ELP1: variants seen among roughly 807,000 people sequenced by gnomAD.
ELP1 encodes elongator complex protein 1.
In ELP1, 131 loss-of-function variants were observed where a neutral mutation model predicts 183.2. That is an observed-to-expected ratio of 0.72 (90% CI 0.62 to 0.83). The LOEUF (loss-of-function observed/expected upper bound fraction) is 0.83. ELP1 is among the 40% of genes least tolerant of loss of function. ELP1 has a pLI of 0.00. For missense variants in ELP1, 1,550 were observed against 1,594.9 expected (o/e 0.97, Z 0.48); for synonymous variants, 555 against 569.0 (o/e 0.98, Z 0.35).
At chr9:108,903,478 G>A (rs1196636256) in intron 15 of ELP1, 85 bp downstream of exon 15, 1 of 958,444 alleles carries the variant, frequency 1.0e-6, no homozygotes, top group Non-Finnish European at 1.7e-6. Context: ...AATCAATATT[G>A]AACTGACAAG....
At chr9:108,907,087 A>T (rs1357922729) in intron 13 of ELP1, among the ~76,000 whole-genome samples, 1 of 151,934 alleles carries the variant, frequency 6.6e-6, no homozygotes, top group East Asian at 1.9e-4. Context: ...CTCCTCAAAC[A>T]TCTCTCCCCG....
intron 25 of ELP1, among the ~76,000 whole-genome samples, chr9:108,895,446 A>G (rs924425264): frequency 3.3e-5 from 5 of 152,154 alleles, no homozygotes; most frequent in Non-Finnish European, 7.4e-5. Flanking sequence ...GTCAAAGCCC[A>G]TGGATGGCAG....
At chr9:108,916,103 C>G (rs375395502) in intron 10 of ELP1, 101 bp downstream of exon 10, 8 of 910,742 alleles carry the variant, frequency 8.8e-6, no homozygotes, top group East Asian at 4.8e-5. Context: ...ATCTTTGATT[C>G]TACTAAGGGA....
chr9:108,903,787 A>G (rs987616723), intron 14 of ELP1, 118 bp from the exon 15 acceptor site: 2 of 728,444 alleles, frequency 2.7e-6, no homozygotes, highest in African/African-American at 3.5e-5. Flanking sequence ...ACTTCAATAC[A>G]ATGTAGACAA....
chr9:108,898,642 C>T (rs761260470), intron 21 of ELP1, 29 bp downstream of exon 21: 1 of 1,602,064 alleles, frequency 6.2e-7, no homozygotes, highest in East Asian at 2.2e-5. Flanking sequence ...ACAAAGTAAG[C>T]TAGAGTAAAT....
At chr9:108,933,258 C>A (rs1830058206) in intron 1 of ELP1, among the ~76,000 whole-genome samples, 2 of 152,204 alleles carry the variant, frequency 1.3e-5, no homozygotes, top group Non-Finnish European at 2.9e-5. Flanking sequence ...GTCTTTGCTG[C>A]CTTTTTGCTT....
intron 14 of ELP1, among the ~76,000 whole-genome samples, chr9:108,905,268 C>T (rs1394838913): frequency 2.6e-5 from 4 of 152,202 alleles, no homozygotes; most frequent in Non-Finnish European, 5.9e-5. Context: ...TCAGAAATCT[C>T]ACCAGTAGGG....
intron 6 of ELP1, among the ~76,000 whole-genome samples, 162 bp from the exon 7 acceptor site, chr9:108,919,511 C>T (rs560501114): frequency 6.7e-6 from 1 of 150,012 alleles, no homozygotes; most frequent in African/African-American, 2.5e-5. Flanking sequence ...TCTTAGAACG[C>T]AGAAATCATC....
At chr9:108,910,288 C>T (rs1387291647) in intron 12 of ELP1, among the ~76,000 whole-genome samples, 2 of 152,156 alleles carry the variant, frequency 1.3e-5, no homozygotes, top group African/African-American at 4.8e-5. Flanking sequence ...GCTGACTTAA[C>T]AGAAAAGCTG....
rs1427912191 is a variant in ELP1 at position 108,898,543 on chromosome 9, T to A, written c.2322A>T (p.Ile774=). Residue 774 remains isoleucine (I), a synonymous_variant, in exon 22 of 37, where the codon ATA becomes ATT. Transcript: ENST00000374647. ...ACAAGTTAATATGATTCACAGAATC[T>A]ATCTGTTTAATGAAGGTTTCCACAT... ...LGNVETFIKQ[I]DSVNHINLFF... 37 of 1,600,058 alleles carry A rather than the reference T, an allele frequency of 2.3e-5. No homozygotes were observed. Among genetic ancestry groups the A allele is most frequent in the Non-Finnish European group, 3.1e-5 (36 of 1,168,624 alleles).
At chr9:108,917,504 A>G (rs565754345) in intron 9 of ELP1, 43 bp downstream of exon 9, 2 of 1,594,874 alleles carry the variant, frequency 1.3e-6, no homozygotes, top group South Asian at 1.1e-5. Flanking sequence ...ATAGCTATGG[A>G]AAGTCCTCTA....
At chr9:108,898,161 A>G (rs945006323) in intron 22 of ELP1, among the ~76,000 whole-genome samples, 1 of 152,220 alleles carries the variant, frequency 6.6e-6, no homozygotes, top group African/African-American at 2.4e-5. Flanking sequence ...ACTTTTCTCT[A>G]TTTTGAAAGT....
intron 29 of ELP1, among the ~76,000 whole-genome samples, chr9:108,883,279 T>C (rs1827999765): frequency 6.6e-6 from 1 of 152,194 alleles, no homozygotes; most frequent in Admixed American, 6.5e-5. Context: ...TCCTGCCACC[T>C]TGGCCTCCCA....
intron 13 of ELP1, 23 bp from the exon 14 acceptor site, chr9:108,906,508 T>C (rs1249482563): frequency 5.6e-6 from 9 of 1,600,612 alleles, no homozygotes; most frequent in Non-Finnish European, 7.7e-6. Flanking sequence ...TTGAAGAATA[T>C]CCAAGACATG....
intron 31 of ELP1, 90 bp from the exon 32 acceptor site, chr9:108,880,255 T>G: frequency 1.2e-6 from 1 of 852,680 alleles, no homozygotes; most frequent in Non-Finnish European, 2.0e-6. Context: ...AGGGTTAAAA[T>G]TCAGCAAAAA....
At chr9:108,875,068 C>T (rs1827655305) in intron 35 of ELP1, 98 bp from the exon 36 acceptor site, 3 of 803,126 alleles carry the variant, frequency 3.7e-6, no homozygotes, top group East Asian at 2.5e-5. Flanking sequence ...AACAGCCTGT[C>T]ATTTCTACTG....
At chr9:108,899,303 A>G (rs1828680244) in intron 20 of ELP1, among the ~76,000 whole-genome samples, 1 of 140,012 alleles carries the variant, frequency 7.1e-6, no homozygotes, top group Admixed American at 7.0e-5. Context: ...CTGTCTCAAA[A>G]AAAAAACAAA....
chr9:108,923,703 A>C (rs1022450921), intron 5 of ELP1, among the ~76,000 whole-genome samples: 1 of 152,200 alleles, frequency 6.6e-6, no homozygotes, highest in South Asian at 2.1e-4. Context: ...CTAATGGTGG[A>C]GCCAAAAGTT....
intron 35 of ELP1, among the ~76,000 whole-genome samples, chr9:108,876,974 G>A (rs188064582): frequency 2.4e-4 from 37 of 152,168 alleles, no homozygotes; most frequent in Non-Finnish European, 4.3e-4. Flanking sequence ...CAGGTGATCC[G>A]CCTGCCTTGG....
Sources: allele counts gnomAD v4.1 joint callset (sites outside exome capture counted in the v4.1 genomes callset), GRCh38; gene constraint gnomAD v4.1.1; transcripts MANE v1.5; gene names NCBI Gene and HGNC (gene_info 2026-07-23, HGNC 2026-07-21).